RASEF: variants seen among roughly 807,000 people sequenced by gnomAD.
RASEF encodes the protein ras and EF-hand domain-containing protein.
A neutral mutation model predicts 90.1 loss-of-function variants in RASEF; 68 were observed. That is an observed-to-expected ratio of 0.75 (90% confidence interval 0.62 to 0.92). The LOEUF is 0.92. RASEF is among the 40% of genes least tolerant of loss of function. The probability of loss-of-function intolerance (pLI) is 0.00; values close to 1 mark genes in which losing one functional copy is unlikely to be tolerated. For synonymous variants in RASEF, 331 were observed against 345.2 expected, an observed-to-expected ratio of 0.96 and a Z score of 0.46; for missense variants, 949 against 937.2, an observed-to-expected ratio of 1.01 and a Z score of -0.16.
chr9:83,089,906 A>C, the RASEF span, among the ~76,000 whole-genome samples: 1 of 146,476 alleles, frequency 6.8e-6, no homozygotes, highest in South Asian at 2.2e-4. Flanking sequence ...AGATAGATAG[A>C]TAGATAGATA....
In RASEF at chr9:83,055,361, C is replaced by T. The variant is rs140331130; in HGVS notation, c.431+7076G>A. ...ACTCGGAAAGGGAACTCCCTGACCC[C>T]TTGCGCTTCCCAGGTGAGGCAATGC... On this transcript the variant is annotated intron_variant, in intron 1 of 16. Transcript: ENST00000376447. 2.7e-3 allele frequency: 1,243 copies of T among 463,878 alleles called. 29 individuals carry two copies. The East Asian group carries it at 0.048, about 18-fold the overall frequency. The allele number at this position is 463,878 out of a possible 1,614,324, so 28.7% of individuals were successfully genotyped here.
At chr9:82,990,733 G>C (rs1828798195) in intron 15 of RASEF, among the ~76,000 whole-genome samples, 1 of 152,120 alleles carries the variant, frequency 6.6e-6, no homozygotes, top group Admixed American at 6.5e-5. Flanking sequence ...ATTTCCAACA[G>C]TCAAAACACA....
the RASEF span, among the ~76,000 whole-genome samples, chr9:83,176,388 T>C: frequency 5.3e-5 from 8 of 152,292 alleles, no homozygotes; most frequent in East Asian, 1.5e-3. Flanking sequence ...TTATGTATAG[T>C]GTGTTTCCTA....
At chr9:82,993,107 T>C in intron 14 of RASEF, 82 bp from the exon 15 acceptor site, 1 of 1,453,012 alleles carries the variant, frequency 6.9e-7, no homozygotes, top group East Asian at 2.3e-5. Context: ...CAACAGCAAT[T>C]ACCATTTTCC....
intron 1 of RASEF, among the ~76,000 whole-genome samples, chr9:83,057,157 C>T (rs1830116522): frequency 6.6e-6 from 1 of 152,212 alleles, no homozygotes. Context: ...CTCACCACTC[C>T]TTCTCAATAT....
chr9:83,105,455 C>G, the RASEF span, among the ~76,000 whole-genome samples: 1 of 152,206 alleles, frequency 6.6e-6, no homozygotes, highest in Non-Finnish European at 1.5e-5. Flanking sequence ...ACACAATGTA[C>G]CTTGCCTGTC....
chr9:83,179,970 A>G, the RASEF span, among the ~76,000 whole-genome samples: 2 of 152,194 alleles, frequency 1.3e-5, no homozygotes, highest in Non-Finnish European at 2.9e-5. Context: ...CCAAAATACT[A>G]CTTGAATGTA....
chr9:83,193,756 C>T, the RASEF span, among the ~76,000 whole-genome samples: 2 of 152,112 alleles, frequency 1.3e-5, no homozygotes, highest in Non-Finnish European at 2.9e-5. Context: ...CAATAAATGA[C>T]TGAAGACAAA....
In RASEF at chr9:83,000,971, T is replaced by G. The variant is rs1289857527; in HGVS notation, c.1362A>C (p.Glu454Asp). Residue 454 changes from glutamate to aspartate, a missense_variant, in exon 10 of 17, where the codon GAA becomes GAC. Glu to Asp is a conservative substitution (Grantham distance 45). Transcript: ENST00000376447. The stretch of plus-strand genomic sequence containing the variant: ...TCTGAAATCCCCTCTGGTGCTTGTA[T>G]TCCACTTCTGAGTCATACTCATTGG... ...RDPNEYDSEV[E>D]YKHQRGFQRS... 1 of 1,614,158 alleles carries G rather than the reference T, an allele frequency of 6.2e-7. No individual in the cohort carries two copies. The highest frequency in any genetic ancestry group is 1.7e-5 in the Admixed American group (1 of 60,016).
intron 1 of RASEF, among the ~76,000 whole-genome samples, chr9:83,047,056 T>C (rs764154357): frequency 6.6e-6 from 1 of 152,308 alleles, no homozygotes; most frequent in African/African-American, 2.4e-5. Context: ...AGGCTGAACA[T>C]TCCCAGAAGA....
At chr9:83,034,285 A>C (rs1829701219) in intron 1 of RASEF, among the ~76,000 whole-genome samples, 1 of 152,200 alleles carries the variant, frequency 6.6e-6, no homozygotes, top group African/African-American at 2.4e-5. Flanking sequence ...AGACTTGGAA[A>C]GACAACCTGG....
At chr9:83,024,970 ATCCG>A (rs1191351404) in intron 2 of RASEF, among the ~76,000 whole-genome samples, 1 of 152,200 alleles carries the variant, frequency 6.6e-6, no homozygotes, top group Non-Finnish European at 1.5e-5. Context: ...AGCAAGGAGC[ATCCG>A]TGTGGCACAA....
chr9:83,035,473 G>A (rs1329646024), intron 1 of RASEF, among the ~76,000 whole-genome samples: 4 of 152,082 alleles, frequency 2.6e-5, no homozygotes, highest in East Asian at 1.9e-4. Context: ...TATTCACATC[G>A]TGCCCCAGGT....
chr9:82,999,301 T>C (rs1004295918), intron 12 of RASEF, among the ~76,000 whole-genome samples: 4 of 152,294 alleles, frequency 2.6e-5, no homozygotes, highest in South Asian at 2.1e-4. Context: ...ATTTTGACCA[T>C]AATGACAAAG....
chr9:83,188,824 C>T, the RASEF span, among the ~76,000 whole-genome samples: 1 of 152,186 alleles, frequency 6.6e-6, no homozygotes, highest in Admixed American at 6.5e-5. Context: ...GTTCACTACT[C>T]TGTGCCATCT....
At position 82,981,669 on chromosome 9, in the gene RASEF, C is replaced by T. The variant is rs1323462111; in HGVS notation, c.*1008G>A. On this transcript the variant is annotated 3_prime_UTR_variant, in exon 17 of 17. Transcript: ENST00000376447. Reference sequence around the variant, plus strand: ...GTATACAATTCAGTGGTTCCTAGTACATTCAAACAGTTATACAACTATCAC... The same window carrying T: ...GTATACAATTCAGTGGTTCCTAGTATATTCAAACAGTTATACAACTATCAC... 4 of 146,304 alleles carry T rather than the reference C, an allele frequency of 2.7e-5. No homozygotes were observed. The highest frequency in any genetic ancestry group is 4.6e-5 in the Non-Finnish European group (3 of 65,656). The allele number at this position is 146,304 out of a possible 1,614,324, so 9.1% of individuals were successfully genotyped here. A position where few individuals can be genotyped will look rare whatever the true frequency, so the allele number is the denominator to read the frequency against.
intron 2 of RASEF, among the ~76,000 whole-genome samples, chr9:83,023,267 G>C (rs969866137): frequency 1.6e-4 from 24 of 152,254 alleles, no homozygotes; most frequent in African/African-American, 5.8e-4. Context: ...TTACCTTTTA[G>C]AAAAATTATG....
At chr9:83,049,468 G>A (rs1236139215) in intron 1 of RASEF, among the ~76,000 whole-genome samples, 1 of 147,480 alleles carries the variant, frequency 6.8e-6, no homozygotes, top group Admixed American at 6.8e-5. Flanking sequence ...GCACTCTGTT[G>A]TCAGTCACCT....
the RASEF span, among the ~76,000 whole-genome samples, chr9:83,205,898 C>A: frequency 6.6e-6 from 1 of 152,132 alleles, no homozygotes; most frequent in Non-Finnish European, 1.5e-5. Context: ...CTAGGACCTC[C>A]TATAGCTGGT....
Sources: gnomAD v4.1 joint callset for allele counts (sites outside exome capture counted in the v4.1 genomes callset) on GRCh38, gnomAD v4.1.1 for gene constraint, MANE v1.5 for transcripts, NCBI Gene and HGNC (gene_info 2026-07-23, HGNC 2026-07-21) for gene names.